Variants in PACRG observed in about 807,000 individuals in gnomAD.
PACRG encodes parkin coregulated.
In PACRG, 29 loss-of-function variants were observed where a neutral mutation model predicts 29.7. The ratio of observed to expected loss-of-function variants is 0.98; its 90% CI spans 0.73 to 1.33. The LOEUF (loss-of-function observed/expected upper bound fraction) is 1.33. PACRG is among the 40% of genes most tolerant of loss of function. The pLI is 0.00. For synonymous variants in PACRG, 116 were observed against 118.7 expected, an observed-to-expected ratio of 0.98 and a Z score of 0.15; for missense variants, 279 against 316.2, an observed-to-expected ratio of 0.88 and a Z score of 0.89.
At chr6:162,846,269 C>T (rs1224054348) in intron 2 of PACRG, among the ~76,000 whole-genome samples, 1 of 152,156 alleles carries the variant, frequency 6.6e-6, no homozygotes, top group Non-Finnish European at 1.5e-5. Flanking sequence ...CACAACTTCA[C>T]AGGAACACGG....
At chr6:163,128,507 G>A (rs1360360733) in intron 4 of PACRG, among the ~76,000 whole-genome samples, 1 of 152,158 alleles carries the variant, frequency 6.6e-6, no homozygotes, top group African/African-American at 2.4e-5. Context: ...TCTGTAGGCT[G>A]AGCTTTTTTA....
chr6:163,025,513 G>T lies in PACRG; in HGVS notation c.292-36637G>T, dbSNP rs765604114. 4.4e-4 allele frequency among the ~76,000 whole-genome samples: 67 copies of T among 152,138 alleles called. 1 individual carries two copies. The highest frequency in any genetic ancestry group is 4.4e-3 in the Admixed American group (67 of 15,276). On this transcript the variant is annotated intron_variant, in intron 2 of 4. Coordinates refer to ENST00000366888, the MANE Select transcript of PACRG (RefSeq NM_001080379.2). ...CACCGTGAAGAAAATGAAATACCTA[G>T]AAATACAGCTAACAAACGAGGTGGG...
intron 1 of PACRG, among the ~76,000 whole-genome samples, chr6:162,812,564 TA>T (rs201339593): frequency 1.1e-4 from 16 of 150,900 alleles, no homozygotes; most frequent in South Asian, 2.1e-4. Context: ...CTACCTTTTC[TA>T]AAAAAAAATA....
rs574054399 is a variant in PACRG, at chr6:162,730,750, G to T, written c.156+2359G>T. On this transcript the variant is annotated intron_variant, in intron 1 of 4. Transcript: ENST00000366888. ...TAGACTTTCTTTCCATGAAATTTTT[G>T]TTGCATTCTATAAGAAAACAAGCAT... Among the ~76,000 whole-genome samples, 3 of 152,190 alleles carry T rather than the reference G, an allele frequency of 2.0e-5. No individual in the cohort carries two copies. The East Asian group carries it at 5.8e-4, about 29-fold the overall frequency.
chr6:163,296,169 G>C lies in PACRG; in HGVS notation c.614-18658G>C, dbSNP rs568837200. Among the ~76,000 whole-genome samples, 3 of 152,326 alleles carry C rather than the reference G, an allele frequency of 2.0e-5. No homozygotes were observed. The South Asian group carries it at 6.2e-4, about 32-fold the overall frequency. The stretch of plus-strand genomic sequence containing the variant: ...AGCTCTAATTTGCTATCTTATAGTG[G>C]TCAGGTTTTTGGGGTAGAATAGTAG... On this transcript the variant is annotated intron_variant, in intron 4 of 4. Transcript: ENST00000366888.
Position 162,803,843 on chromosome 6 carries a change from C to T in PACRG, c.157-10304C>T, listed in dbSNP as rs948162402. ...AATATTATCAAGATCATAAAATATA[C>T]AAAAAATTTACCTCATTATCTCACT... On this transcript the variant is annotated intron_variant, in intron 1 of 4. Transcript: ENST00000366888. Among the ~76,000 whole-genome samples the T allele has an allele frequency of 3.6e-4, 55 of 151,894 alleles. 1 individual carries two copies. The highest frequency in any genetic ancestry group is 5.0e-4 in the Non-Finnish European group (34 of 67,964).
At chr6:163,040,490 C>A (rs1248574614) in intron 2 of PACRG, among the ~76,000 whole-genome samples, 2 of 152,190 alleles carry the variant, frequency 1.3e-5, no homozygotes, top group African/African-American at 2.4e-5. Flanking sequence ...AAAAATAGAT[C>A]AACTGACAGC....
chr6:162,749,426 A>G (rs548330328), intron 1 of PACRG, among the ~76,000 whole-genome samples: 1 of 152,348 alleles, frequency 6.6e-6, no homozygotes, highest in South Asian at 2.1e-4. Context: ...GAAAGATCTT[A>G]CAGGGATATA....
At chr6:162,906,699 C>T (rs117484799) in intron 2 of PACRG, among the ~76,000 whole-genome samples, 1 of 152,184 alleles carries the variant, frequency 6.6e-6, no homozygotes, top group Non-Finnish European at 1.5e-5. Context: ...AAAGACGTTA[C>T]AAGTATTGAA....
chr6:163,027,922 A>C (rs1807294214), intron 2 of PACRG, among the ~76,000 whole-genome samples: 1 of 152,142 alleles, frequency 6.6e-6, no homozygotes, highest in Non-Finnish European at 1.5e-5. Flanking sequence ...ACTCTCCCAC[A>C]CTGTCCCCCA....
chr6:162,884,932 G>A (rs553255161), intron 2 of PACRG, among the ~76,000 whole-genome samples: 1 of 152,290 alleles, frequency 6.6e-6, no homozygotes, highest in African/African-American at 2.4e-5. Context: ...CTGAAATTGT[G>A]CCATGCCACT....
intron 2 of PACRG, among the ~76,000 whole-genome samples, chr6:162,952,499 C>T (rs1257128830): frequency 6.6e-6 from 1 of 152,162 alleles, no homozygotes; most frequent in African/African-American, 2.4e-5. Context: ...GAGTGAGGTT[C>T]ACGTCCAGCC....
At position 163,269,890 on chromosome 6, in the gene PACRG, A is replaced by AAAG. The variant is rs35666509; in HGVS notation, c.614-44935_614-44934insGAA. On this transcript the variant is annotated intron_variant, in intron 4 of 4. Transcript: ENST00000366888. Reference sequence around the variant, plus strand: ...AAGAGAAAGAAAGAAAGAAAGAAAGAAAACAAAGAAAGAAAGAAAGAAAGA... The same window carrying AAAG: ...AAGAGAAAGAAAGAAAGAAAGAAAGAAAGAAACAAAGAAAGAAAGAAAGAAAGA... Among the ~76,000 whole-genome samples, 105 of 23,674 alleles carry AAAG rather than the reference A, an allele frequency of 4.4e-3. 12 individuals are homozygous for AAAG. The highest frequency in any genetic ancestry group is 9.5e-3 in the South Asian group (7 of 736). 15.5% of individuals were successfully genotyped at this position (23,674 alleles called of 152,430 possible).
At chr6:162,816,832 A>G (rs1261284604) in intron 2 of PACRG, among the ~76,000 whole-genome samples, 9 of 152,172 alleles carry the variant, frequency 5.9e-5, no homozygotes, top group Admixed American at 3.3e-4. Flanking sequence ...TCCGTCCCCC[A>G]CAAAAAACTA....
intron 1 of PACRG, among the ~76,000 whole-genome samples, chr6:162,776,117 C>T (rs531857267): frequency 6.6e-6 from 1 of 152,238 alleles, no homozygotes; most frequent in Non-Finnish European, 1.5e-5. Context: ...ACATTGTCCC[C>T]GACATCTTTG....
At chr6:162,764,747 CT>C (rs35179604) in intron 1 of PACRG, among the ~76,000 whole-genome samples, 206 of 144,074 alleles carry the variant, frequency 1.4e-3, no homozygotes, top group Non-Finnish European at 1.4e-3. Flanking sequence ...GGAATCCAAA[CT>C]TTTTTTTTTT....
intron 2 of PACRG, among the ~76,000 whole-genome samples, chr6:162,830,079 T>C (rs1421239810): frequency 6.6e-6 from 1 of 152,104 alleles, no homozygotes; most frequent in African/African-American, 2.4e-5. Context: ...AGGGATTTAA[T>C]ATTGTTTGGG....
chr6:163,006,070 CTATA>C (rs1177475705), intron 2 of PACRG, among the ~76,000 whole-genome samples: 3 of 140,026 alleles, frequency 2.1e-5, no homozygotes, highest in East Asian at 4.1e-4. Context: ...ATATATATAA[CTATA>C]TATGGGTTTT....
intron 4 of PACRG, among the ~76,000 whole-genome samples, chr6:163,207,546 C>T (rs1780958701): frequency 6.6e-6 from 1 of 152,144 alleles, no homozygotes; most frequent in Admixed American, 6.5e-5. Context: ...GAGAATAGCA[C>T]ATGGAAACAA....
Sources: gnomAD v4.1 joint callset for allele counts (sites outside exome capture counted in the v4.1 genomes callset) on GRCh38, gnomAD v4.1.1 for gene constraint, MANE v1.5 for transcripts, NCBI Gene and HGNC (gene_info 2026-07-23, HGNC 2026-07-21) for gene names.